Variants in DDX25 observed in about 807,000 individuals in gnomAD.
DDX25 encodes the protein ATP-dependent RNA helicase DDX25.
A neutral mutation model predicts 64.6 loss-of-function variants in DDX25; 70 were observed. That is an observed-to-expected ratio of 1.08 (90% CI 0.89 to 1.32). The LOEUF is 1.32. Ranked by LOEUF, DDX25 falls within the 40% of genes most tolerant of loss-of-function variation. DDX25 has a pLI of 0.00. For synonymous variants in DDX25, 211 were observed against 213.3 expected (o/e 0.99, Z 0.09); for missense variants, 587 against 604.4 (o/e 0.97, Z 0.30).
intron 9 of DDX25, among the ~76,000 whole-genome samples, 159 bp from the exon 10 acceptor site, chr11:125,918,469 C>T (rs1223711884): frequency 6.6e-6 from 1 of 152,274 alleles, no homozygotes; most frequent in East Asian, 1.9e-4. Context: ...GGAGGATGCC[C>T]TGCCACATTT....
chr11:125,920,291 G>T (rs1350237814), intron 10 of DDX25, among the ~76,000 whole-genome samples: 1 of 152,134 alleles, frequency 6.6e-6, no homozygotes, highest in Non-Finnish European at 1.5e-5. Flanking sequence ...ACAAAAATTA[G>T]CCAGCCATGG....
rs1945176187 is a variant in DDX25 at position 125,927,314 on chromosome 11, T to A, written c.*4433T>A. ...AACTGCCTGGCCCTCCTTTACCAGT[T>A]TATCAGCCTTCCATCTCTGCTGAGG... On this transcript the variant is annotated 3_prime_UTR_variant, in exon 12 of 12. Transcript: ENST00000263576. The A allele has an allele frequency of 7.0e-6, 1 of 143,312 alleles. No individual in the cohort carries two copies. The highest frequency in any genetic ancestry group is 2.3e-4 in the South Asian group (1 of 4,302). The allele number at this position is 143,312 out of a possible 1,614,324, so 8.9% of individuals were successfully genotyped here. A position where few individuals can be genotyped will look rare whatever the true frequency, so the allele number is the denominator to read the frequency against.
intron 8 of DDX25, 82 bp from the exon 9 acceptor site, chr11:125,916,932 C>T (rs972923708): frequency 4.0e-5 from 54 of 1,342,020 alleles, no homozygotes; most frequent in Admixed American, 2.4e-4. Flanking sequence ...GTGCGTGCAG[C>T]GGCTGATGGC....
intron 1 of DDX25, 98 bp from the exon 2 acceptor site, chr11:125,905,114 T>C: frequency 9.1e-7 from 1 of 1,097,508 alleles, no homozygotes; most frequent in African/African-American, 1.6e-5. Context: ...TACCCGGGTG[T>C]CCTTCCCTGA....
At chr11:125,906,317 C>A in intron 4 of DDX25, 108 bp downstream of exon 4, 5 of 1,180,468 alleles carry the variant, frequency 4.2e-6, no homozygotes, top group Non-Finnish European at 4.3e-6. Flanking sequence ...TTCTGATATT[C>A]AATATTTTTT....
At position 125,923,696 on chromosome 11, in the gene DDX25, T is replaced by C. The variant is rs535625359; in HGVS notation, c.*815T>C. 2 of 151,592 alleles carry C rather than the reference T, an allele frequency of 1.3e-5. No individual in the cohort carries two copies. The highest frequency in any genetic ancestry group is 2.4e-5 in the African/African-American group (1 of 40,934). The allele number at this position is 151,592 out of a possible 1,614,324, so 9.4% of individuals were successfully genotyped here. A position where few individuals can be genotyped will look rare whatever the true frequency, so the allele number is the denominator to read the frequency against. ...CTGGACATTTTCCCACAAGACCCAT[T>C]GAGATACTTTTTAATTTTTCATATT... is the stretch of plus-strand genomic sequence containing the variant. On this transcript the variant is annotated 3_prime_UTR_variant, in exon 12 of 12. Transcript: ENST00000263576.
At chr11:125,903,823 T>C (rs540997047), upstream of DDX25, among the ~76,000 whole-genome samples, 32 of 152,172 alleles carry the variant, frequency 2.1e-4, no homozygotes, top group Admixed American at 2.0e-3. Context: ...GTACCAGGGA[T>C]CCAGGGATCT....
At position 125,905,613 on chromosome 11, in the gene DDX25, A is replaced by C. The variant is rs528232479; in HGVS notation, c.175+16A>C. On this transcript the variant is annotated intron_variant, in intron 3 of 11. Transcript: ENST00000263576. ...GAAGATGTAGGTAGGAGATGAATTC[A>C]TTTGCATGTATCTACTAGCATTCTG... 200 of 1,548,786 alleles carry C rather than the reference A, an allele frequency of 1.3e-4. 2 individuals are homozygous for C. In the South Asian group the frequency reaches 1.9e-3, roughly 15 times the overall value.
At chr11:125,909,201 G>A (rs73626627) in intron 6 of DDX25, among the ~76,000 whole-genome samples, 2,502 of 152,228 alleles carry the variant, frequency 0.016, 86 homozygotes, top group African/African-American at 0.056. Flanking sequence ...AAGTGCTGTG[G>A]GGAATACCAA....
At chr11:125,914,462 G>A (rs1945009870) in intron 8 of DDX25, among the ~76,000 whole-genome samples, 1 of 152,088 alleles carries the variant, frequency 6.6e-6, no homozygotes, top group Non-Finnish European at 1.5e-5. Flanking sequence ...CATATGTTTT[G>A]CCTCCACTTT....
rs972912869 is a variant in DDX25 at position 125,923,523 on chromosome 11, C to T, written c.*642C>T. ...AGATTTACTCCCTCATCAGTTATTT[C>T]ATAGTCTCTAAAAGTGTGGCTGTAT... On this transcript the variant is annotated 3_prime_UTR_variant, in exon 12 of 12. Coordinates refer to ENST00000263576, the MANE Select transcript of DDX25 (RefSeq NM_013264.5). 1 of 152,032 alleles carries T rather than the reference C, an allele frequency of 6.6e-6. No homozygotes were observed. Among genetic ancestry groups the T allele is most frequent in the Non-Finnish European group, 1.5e-5 (1 of 68,006 alleles). The allele number at this position is 152,032 out of a possible 1,614,324, so 9.4% of individuals were successfully genotyped here.
chr11:125,905,426 C>A, intron 2 of DDX25, 127 bp from the exon 3 acceptor site: 2 of 1,330,244 alleles, frequency 1.5e-6, no homozygotes, highest in Non-Finnish European at 2.1e-6. Context: ...TTCGTCCATT[C>A]CTCCATGAAA....
rs1367782569 is a variant in DDX25, at chr11:125,910,448, C to T, written c.592C>T (p.Gln198Ter). ...GATGGGAAAATTCTGTGTGGATGTT[C>T]AAGTGATGTATGCCATTCGAGGGAA... ...EQMGKFCVDV[Q>*]VMYAIRGNRI... is the part of the protein sequence containing the mutation. Residue 198 changes from glutamine (Q) to a stop codon, truncating the protein, a stop_gained, in exon 7 of 12, where the codon CAA becomes TAA. Coordinates refer to ENST00000263576, the MANE Select transcript of DDX25 (RefSeq NM_013264.5). LOFTEE classifies it high-confidence loss of function. 6.2e-7 allele frequency: 1 copy of T among 1,613,836 alleles called. No homozygotes were observed. Among genetic ancestry groups the T allele is most frequent in the Non-Finnish European group, 8.5e-7 (1 of 1,179,880 alleles).
intron 8 of DDX25, among the ~76,000 whole-genome samples, chr11:125,913,642 G>A (rs145424905): frequency 0.015 from 2,188 of 150,288 alleles, 34 homozygotes; most frequent in Middle Eastern, 0.048. Flanking sequence ...TTTCTCTCGC[G>A]AGAAGCCTTT....
At chr11:125,912,106 A>G (rs971522445) in intron 8 of DDX25, among the ~76,000 whole-genome samples, 5 of 152,228 alleles carry the variant, frequency 3.3e-5, no homozygotes, top group Non-Finnish European at 7.3e-5. Flanking sequence ...AAGACTTGTA[A>G]TGAAAAACAG....
chr11:125,916,500 G>T (rs1019783045), intron 8 of DDX25, among the ~76,000 whole-genome samples: 1 of 152,124 alleles, frequency 6.6e-6, no homozygotes, highest in African/African-American at 2.4e-5. Flanking sequence ...TTCATTCTGG[G>T]TTCAGAATGG....
rs1944927381 is a variant in DDX25 at position 125,908,593 on chromosome 11, C to G, written c.507+90C>G. On this transcript the variant is annotated intron_variant, in intron 6 of 11. Transcript: ENST00000263576. ...ATATTCCTGTGCAATGATATGGTTA[C>G]TATGGTGATGAAATATTTAGAAAAG... 24 of 1,200,708 alleles carry G rather than the reference C, an allele frequency of 2.0e-5. 1 individual carries two copies. The South Asian group carries it at 3.0e-4, about 15-fold the overall frequency. The allele number at this position is 1,200,708 out of a possible 1,614,324, so 74.4% of individuals were successfully genotyped here.
chr11:125,921,435 G>A lies in DDX25; in HGVS notation c.1390+56G>A. On this transcript the variant is annotated intron_variant, in intron 11 of 11. Transcript: ENST00000263576. The surrounding 1 kb of genome is among the most constrained non-coding windows in gnomAD (Gnocchi z 4.1). ...ACAGACCTGCCGGTCTGACAGTGATGATGTGTGCTGGAGAGCTGGAGTCCA... is the reference window on the plus strand; with the variant it reads ...ACAGACCTGCCGGTCTGACAGTGATAATGTGTGCTGGAGAGCTGGAGTCCA... The A allele has an allele frequency of 6.4e-7, 1 of 1,573,266 alleles. No homozygotes were observed. Among genetic ancestry groups the A allele is most frequent in the Non-Finnish European group, 8.6e-7 (1 of 1,157,798 alleles).
chr11:125,911,856 C>G (rs1480870490), intron 8 of DDX25, among the ~76,000 whole-genome samples: 1 of 152,184 alleles, frequency 6.6e-6, no homozygotes, highest in Non-Finnish European at 1.5e-5. Flanking sequence ...GTAGAGGACA[C>G]AGTAATGTGG....
Sources: allele counts gnomAD v4.1 joint callset (sites outside exome capture counted in the v4.1 genomes callset), GRCh38; gene constraint gnomAD v4.1.1; non-coding constraint Gnocchi (gnomAD v3.1); transcripts MANE v1.5; gene names NCBI Gene and HGNC (gene_info 2026-07-23, HGNC 2026-07-21).